The following CSMD1 variants were observed in gnomAD, a reference collection of about 807,000 sequenced individuals.
CSMD1 encodes the protein CUB and sushi domain-containing protein 1.
In CSMD1, 213 loss-of-function variants were observed where a neutral mutation model predicts 417.5. That is an observed-to-expected ratio of 0.51 (90% CI 0.46 to 0.57). The LOEUF (loss-of-function observed/expected upper bound fraction) is 0.57, where lower values mean the gene tolerates loss of function less well. Among genes scored for constraint, CSMD1 ranks in the 20% least tolerant of loss-of-function variants. The pLI, the probability that CSMD1 is intolerant of heterozygous loss-of-function variation, is 0.00. For synonymous variants in CSMD1, 2,862 were observed against 1,736.8 expected (o/e 1.65, Z -16.11); for missense variants, 6,923 against 4,529.7 (o/e 1.53, Z -15.17).
chr8:3,509,899 G>C (rs928509274), intron 10 of CSMD1, among the ~76,000 whole-genome samples: 2 of 152,154 alleles, frequency 1.3e-5, no homozygotes, highest in Non-Finnish European at 2.9e-5. Context: ...TCATGCCCCA[G>C]TGAAGCGATG....
rs62480975 is a variant in CSMD1 at position 4,397,668 on chromosome 8, G to A, written c.415+22285C>T. Among the ~76,000 whole-genome samples, 1,216 of 151,140 alleles carry A rather than the reference G, an allele frequency of 8.0e-3. 4 individuals are homozygous for A. Among genetic ancestry groups the A allele is most frequent in the Admixed American group, 0.012 (180 of 15,150 alleles). On this transcript the variant is annotated intron_variant, in intron 3 of 69. Coordinates refer to ENST00000635120, the MANE Select transcript of CSMD1 (RefSeq NM_033225.6). ...GTTCTAAGATTCTGCTTTAAATTGC[G>A]GCAGTAAGATGAAGAAATAGATATT...
chr8:4,355,114 T>G (rs1191999578), intron 3 of CSMD1, among the ~76,000 whole-genome samples: 1 of 151,640 alleles, frequency 6.6e-6, no homozygotes, highest in Non-Finnish European at 1.5e-5. Context: ...GACAAAAAAT[T>G]AGCCGGGCGT....
intron 2 of CSMD1, among the ~76,000 whole-genome samples, chr8:4,560,687 G>C (rs1029402873): frequency 6.6e-6 from 1 of 152,172 alleles, no homozygotes; most frequent in Non-Finnish European, 1.5e-5. Flanking sequence ...TTACAAGCAA[G>C]ATTTCATTTT....
intron 7 of CSMD1, among the ~76,000 whole-genome samples, chr8:3,707,556 G>T (rs1026483478): frequency 6.6e-6 from 1 of 152,168 alleles, no homozygotes; most frequent in African/African-American, 2.4e-5. Flanking sequence ...TCAGTAGACG[G>T]TACTCATCTC....
intron 2 of CSMD1, among the ~76,000 whole-genome samples, chr8:4,448,522 A>G (rs756238459): frequency 5.3e-5 from 8 of 152,214 alleles, no homozygotes; most frequent in African/African-American, 7.2e-5. Flanking sequence ...AGATTAGTAC[A>G]TAAGTTTACA....
intron 2 of CSMD1, among the ~76,000 whole-genome samples, chr8:4,504,677 C>A (rs1802429399): frequency 6.6e-6 from 1 of 152,160 alleles, no homozygotes. Context: ...GTTCCCCTCC[C>A]TGTATCCATG....
chr8:3,788,070 C>T (rs961997358), intron 5 of CSMD1, among the ~76,000 whole-genome samples: 2 of 152,260 alleles, frequency 1.3e-5, no homozygotes, highest in East Asian at 1.9e-4. Flanking sequence ...CCTCTCCATC[C>T]AGTGAGTGTT....
At chr8:3,113,696 G>A (rs1273099499) in intron 42 of CSMD1, among the ~76,000 whole-genome samples, 1 of 152,158 alleles carries the variant, frequency 6.6e-6, no homozygotes, top group African/African-American at 2.4e-5. Flanking sequence ...TACTTTTGGT[G>A]ATTCACACAC....
At chr8:4,249,232 T>C (rs1405102101) in intron 3 of CSMD1, among the ~76,000 whole-genome samples, 2 of 152,208 alleles carry the variant, frequency 1.3e-5, no homozygotes, top group South Asian at 2.1e-4. Context: ...GTAACATACA[T>C]AGAAAAGGGC....
At chr8:4,336,978 G>C (rs952518194) in intron 3 of CSMD1, among the ~76,000 whole-genome samples, 1 of 152,070 alleles carries the variant, frequency 6.6e-6, no homozygotes, top group African/African-American at 2.4e-5. Context: ...AGGATTTGCC[G>C]TGTTTTCTTC....
chr8:3,380,448 A>G (rs920915261), intron 18 of CSMD1, among the ~76,000 whole-genome samples: 12 of 152,218 alleles, frequency 7.9e-5, no homozygotes, highest in Non-Finnish European at 1.8e-4. Flanking sequence ...ACATATGTTT[A>G]TTGCAGCCCT....
chr8:4,027,802 C>A (rs973017112), intron 4 of CSMD1, among the ~76,000 whole-genome samples: 2 of 152,026 alleles, frequency 1.3e-5, no homozygotes, highest in Admixed American at 6.6e-5. Flanking sequence ...GGAAGTAAGG[C>A]CAAGACACTT....
At chr8:3,643,183 C>A (rs536464523) in intron 7 of CSMD1, among the ~76,000 whole-genome samples, 1 of 151,972 alleles carries the variant, frequency 6.6e-6, no homozygotes, top group East Asian at 1.9e-4. Flanking sequence ...ATCCAGGAAG[C>A]TCAGGGAAAA....
intron 3 of CSMD1, among the ~76,000 whole-genome samples, chr8:4,159,758 T>C (rs1797043153): frequency 6.6e-6 from 1 of 152,116 alleles, no homozygotes; most frequent in African/African-American, 2.4e-5. Context: ...CCGGCTAATT[T>C]TTTATATTTT....
chr8:4,393,927 G>C (rs937477193), intron 3 of CSMD1, among the ~76,000 whole-genome samples: 1 of 152,166 alleles, frequency 6.6e-6, no homozygotes, highest in Non-Finnish European at 1.5e-5. Flanking sequence ...TAGCTAGATT[G>C]TAAGATATTG....
intron 3 of CSMD1, among the ~76,000 whole-genome samples, chr8:4,372,658 A>G (rs957490899): frequency 7.9e-5 from 12 of 151,858 alleles, no homozygotes; most frequent in Non-Finnish European, 1.5e-4. Flanking sequence ...ATCACAAACA[A>G]AAAGCCACAT....
chr8:4,805,155 C>A (rs1798517105), intron 1 of CSMD1, among the ~76,000 whole-genome samples: 1 of 152,014 alleles, frequency 6.6e-6, no homozygotes, highest in Admixed American at 6.6e-5. Context: ...ATGTTTTTTC[C>A]CCCTGGATGT....
At chr8:3,608,239 C>A (rs1370169891) in intron 8 of CSMD1, among the ~76,000 whole-genome samples, 1 of 151,188 alleles carries the variant, frequency 6.6e-6, no homozygotes, top group Admixed American at 6.6e-5. Flanking sequence ...GTGCCACCTG[C>A]AGAGGAGGTA....
At chr8:3,769,019 C>T (rs757801325) in intron 5 of CSMD1, among the ~76,000 whole-genome samples, 73 of 152,166 alleles carry the variant, frequency 4.8e-4, no homozygotes, top group East Asian at 1.9e-4. Flanking sequence ...CTGGGGAGGG[C>T]GTTAGTTGCT....
Sources: allele counts gnomAD v4.1 joint callset (sites outside exome capture counted in the v4.1 genomes callset), GRCh38; gene constraint gnomAD v4.1.1; transcripts MANE v1.5; gene names NCBI Gene and HGNC (gene_info 2026-07-23, HGNC 2026-07-21).